FRY: variants seen among roughly 807,000 people sequenced by gnomAD.
FRY encodes protein furry homolog.
Under a neutral mutation model 348.4 loss-of-function variants are expected in FRY, and 128 were observed. That is an observed-to-expected ratio of 0.37 (90% CI 0.32 to 0.43). FRY has a LOEUF of 0.43. Among genes scored for constraint, FRY ranks in the 20% least tolerant of loss-of-function variants. The pLI, the probability that FRY is intolerant of heterozygous loss-of-function variation, is 1.00. For synonymous variants in FRY, 1,370 were observed against 1,374.7 expected (o/e 1.00, Z 0.08); for missense variants, 2,736 against 3,695.2 (o/e 0.74, Z 6.73).
rs1873107176 is a variant in FRY, at chr13:32,047,790, C to G, written c.70+15925C>G. ...ATTTCACCATGTTAGCCAGGCTGGT[C>G]TCGAGCTCCTGACCTCAGGTGATCT... On this transcript the variant is annotated intron_variant, in intron 1 of 60. Transcript: ENST00000542859. Among the ~76,000 whole-genome samples, 3 of 152,124 alleles carry G rather than the reference C, an allele frequency of 2.0e-5. No homozygotes were observed. The South Asian group carries it at 6.2e-4, about 32-fold the overall frequency.
intron 3 of FRY, among the ~76,000 whole-genome samples, chr13:32,115,439 T>TG: frequency 6.6e-6 from 1 of 152,198 alleles, no homozygotes; most frequent in Admixed American, 6.5e-5. Flanking sequence ...CCCCACTGTT[T>TG]GGGGGATTCA....
rs12867826 is a variant in FRY at position 32,280,112 on chromosome 13, T to A, written c.8469+1564T>A. Among the ~76,000 whole-genome samples the A allele has an allele frequency of 7.7e-3, 1,177 of 152,272 alleles. 3 individuals are homozygous for A. The highest frequency in any genetic ancestry group is 0.012 in the Non-Finnish European group (832 of 68,024). Reference sequence around the variant, plus strand: ...GGATGGGAAGCAGGGCCATAGCAGTTGCCCGTTCTATAGCTGAAGACACCA... The same window carrying A: ...GGATGGGAAGCAGGGCCATAGCAGTAGCCCGTTCTATAGCTGAAGACACCA... On this transcript the variant is annotated intron_variant, in intron 58 of 60. Transcript: ENST00000542859.
intron 2 of FRY, among the ~76,000 whole-genome samples, chr13:32,080,099 C>A (rs1355122934): frequency 6.6e-6 from 1 of 152,156 alleles, no homozygotes; most frequent in Non-Finnish European, 1.5e-5. Context: ...ACAAACTTTG[C>A]ACATTAAAAT....
At chr13:32,060,134 C>T (rs997581987) in intron 1 of FRY, among the ~76,000 whole-genome samples, 1 of 152,196 alleles carries the variant, frequency 6.6e-6, no homozygotes, top group Non-Finnish European at 1.5e-5. Context: ...ACTTGGGTTT[C>T]GGTCTCTTCA....
intron 16 of FRY, among the ~76,000 whole-genome samples, chr13:32,160,838 T>C (rs1881401131): frequency 1.3e-5 from 1 of 78,726 alleles, no homozygotes; most frequent in African/African-American, 5.0e-5. Context: ...TAGCCATTTC[T>C]GTGATTCTGG....
intron 2 of FRY, among the ~76,000 whole-genome samples, chr13:32,094,855 C>T (rs1876581976): frequency 6.6e-6 from 1 of 152,094 alleles, no homozygotes; most frequent in Admixed American, 6.5e-5. Flanking sequence ...TACTGATTTC[C>T]TCTCAGTATT....
chr13:32,247,291 T>C, intron 47 of FRY, 32 bp from the exon 48 acceptor site: 1 of 1,572,210 alleles, frequency 6.4e-7, no homozygotes, highest in Non-Finnish European at 8.8e-7. Flanking sequence ...AATTAAATTA[T>C]TTTTAACCCT....
intron 8 of FRY, among the ~76,000 whole-genome samples, chr13:32,132,728 C>A (rs1202122360): frequency 6.6e-6 from 1 of 152,170 alleles, no homozygotes; most frequent in East Asian, 1.9e-4. Flanking sequence ...CACACAAAAA[C>A]TTGAACACAA....
chr13:32,244,931 T>C (rs549621305), intron 47 of FRY, among the ~76,000 whole-genome samples: 1 of 152,306 alleles, frequency 6.6e-6, no homozygotes, highest in South Asian at 2.1e-4. Context: ...GGCAGGATAC[T>C]TGGACATCTC....
At chr13:32,290,993 A>AC (rs935164477) in intron 59 of FRY, among the ~76,000 whole-genome samples, 2 of 152,104 alleles carry the variant, frequency 1.3e-5, no homozygotes, top group African/African-American at 4.8e-5. Flanking sequence ...TGCATACTGG[A>AC]CCAAGACCTG....
At chr13:32,232,334 A>C (rs1480547439) in intron 41 of FRY, among the ~76,000 whole-genome samples, 2 of 152,180 alleles carry the variant, frequency 1.3e-5, no homozygotes, top group East Asian at 3.9e-4. Context: ...TTGCACCTTG[A>C]CCAATTTTTA....
intron 2 of FRY, among the ~76,000 whole-genome samples, chr13:32,087,657 TA>T (rs1217238376): frequency 2.0e-5 from 3 of 152,184 alleles, no homozygotes; most frequent in African/African-American, 7.2e-5. Flanking sequence ...TTTTTAGGTG[TA>T]AAAGAGGTTT....
At chr13:32,140,190 A>G (rs1017457034) in intron 11 of FRY, among the ~76,000 whole-genome samples, 1 of 152,178 alleles carries the variant, frequency 6.6e-6, no homozygotes, top group Non-Finnish European at 1.5e-5. Context: ...CATTATGAGC[A>G]GGTGAGTGGT....
rs759942031 is a variant in FRY at position 32,209,705 on chromosome 13, A to G, written c.4396A>G (p.Ser1466Gly). Residue 1466 changes from serine (S) to glycine (G), a missense_variant, in exon 33 of 61, where the codon AGC (serine) becomes GGC (glycine). By Grantham distance (56) the Ser-to-Gly change is moderately conservative. Transcript: ENST00000542859. ...GTTCCTGATTAGCCTCTGTGGGGTC[A>G]GCAGCGACACAGTTCTCCTACCCTA... is the stretch of plus-strand genomic sequence containing the variant. ...LQFLISLCGVSSDTVLLPYIK... is the reference protein window; with the variant it reads ...LQFLISLCGVGSDTVLLPYIK... The G allele has an allele frequency of 6.8e-6, 11 of 1,614,078 alleles. No homozygotes were observed. The South Asian group carries it at 9.9e-5, about 14-fold the overall frequency.
intron 29 of FRY, among the ~76,000 whole-genome samples, chr13:32,200,973 C>T (rs186353176): frequency 2.2e-4 from 34 of 152,276 alleles, no homozygotes; most frequent in Admixed American, 2.2e-3. Context: ...ATTCTCCACA[C>T]AGCAGCCAGA....
intron 43 of FRY, among the ~76,000 whole-genome samples, chr13:32,236,623 T>C (rs996980583): frequency 2.6e-5 from 4 of 152,210 alleles, no homozygotes; most frequent in African/African-American, 9.6e-5. Context: ...AAGAAATTCC[T>C]ACCTCAGTAT....
intron 59 of FRY, among the ~76,000 whole-genome samples, chr13:32,293,485 GAATA>G (rs1256764375): frequency 1.3e-5 from 2 of 152,112 alleles, no homozygotes; most frequent in African/African-American, 2.4e-5. Context: ...CAAAGCTGTT[GAATA>G]AATAACTTTC....
chr13:32,053,049 G>A (rs771820986), intron 1 of FRY, among the ~76,000 whole-genome samples: 46 of 151,942 alleles, frequency 3.0e-4, no homozygotes, highest in Non-Finnish European at 5.7e-4. Flanking sequence ...GGAGGCGGAG[G>A]TCGCAATGAG....
chr13:32,194,160 C>A lies in FRY; in HGVS notation c.3609C>A (p.Cys1203Ter). 1.9e-6 allele frequency: 3 copies of A among 1,613,874 alleles called. No homozygotes were observed. Among genetic ancestry groups the A allele is most frequent in the East Asian group, 2.2e-5 (1 of 44,874 alleles). The change falls in exon 29 of 61, where the codon TGC becomes TGA. Residue 1203 changes from cysteine (C) to a stop codon, truncating the protein, a stop_gained. Coordinates refer to ENST00000542859, the MANE Select transcript of FRY (RefSeq NM_023037.3). LOFTEE classifies it high-confidence loss of function. Reference protein sequence around the residue: ...CQDLRVHQLGCEVVVLLLELN... With the variant: ...CQDLRVHQLG ...GTATTCAGGTTCATCAACTTGGCTG[C>A]GAAGTTGTTGTCTTGCTACTGGAAC...
Sources: allele counts gnomAD v4.1 joint callset (sites outside exome capture counted in the v4.1 genomes callset), GRCh38; gene constraint gnomAD v4.1.1; transcripts MANE v1.5; gene names NCBI Gene and HGNC (gene_info 2026-07-23, HGNC 2026-07-21).